The following GDF1 variants were observed in gnomAD, a reference collection of about 807,000 sequenced individuals.
The protein encoded by GDF1 is embryonic growth/differentiation factor 1.
GDF1 carries 8 observed loss-of-function variants against 7.4 expected under a neutral mutation model. The ratio of observed to expected loss-of-function variants is 1.09; its 90% CI spans 0.64 to 1.96. The LOEUF (loss-of-function observed/expected upper bound fraction) is 1.96, where lower values mean the gene tolerates loss of function less well. GDF1 is among the 30% of genes most tolerant of loss of function. GDF1 has a pLI of 0.00. For missense variants in GDF1, 574 were observed against 551.5 expected (o/e 1.04, Z -0.41); for synonymous variants, 311 against 276.7 (o/e 1.12, Z -1.23).
intron 6 of GDF1, among the ~76,000 whole-genome samples, chr19:18,872,993 C>T (rs1310022889): frequency 6.6e-6 from 1 of 152,184 alleles, no homozygotes; most frequent in Non-Finnish European, 1.5e-5. Flanking sequence ...TTCTATCCAC[C>T]ACTGTGGTGA....
In GDF1 at chr19:18,884,410, C is replaced by T. The variant is rs1481649844; in HGVS notation, c.-913-143G>A. 4 of 730,294 alleles carry T rather than the reference C, an allele frequency of 5.5e-6. No individual in the cohort carries two copies. In the East Asian group the frequency reaches 1.1e-4, roughly 20 times the overall value. The allele number at this position is 730,294 out of a possible 1,614,324, so 45.2% of individuals were successfully genotyped here. A position where few individuals can be genotyped will look rare whatever the true frequency, so the allele number is the denominator to read the frequency against. ...TGTCTGACTGCTGGCTTTCCATTCC[C>T]AATTCTATTTTTTTTTTTTTTTCTT... On this transcript the variant is annotated intron_variant, in intron 2 of 7. Transcript: ENST00000247005.
intron 3 of GDF1, chr19:18,883,185 G>A (rs933237758): frequency 1.2e-4 from 18 of 152,204 alleles, no homozygotes; most frequent in African/African-American, 4.3e-4. Context: ...ATATTTGTGG[G>A]GCGTGGCTAC....
intron 2 of GDF1, among the ~76,000 whole-genome samples, chr19:18,886,519 C>T (rs917455505): frequency 2.6e-5 from 4 of 152,096 alleles, no homozygotes; most frequent in Non-Finnish European, 5.9e-5. Context: ...GTTGCCACTG[C>T]ACTCCAGCCT....
Position 18,884,159 on chromosome 19 carries a change from C to G in GDF1, c.-805G>C, listed in dbSNP as rs201631527. On this transcript the variant is annotated 5_prime_UTR_variant, in exon 3 of 8. Coordinates refer to ENST00000247005, the MANE Select transcript of GDF1 (RefSeq NM_001492.6). ...GAGCAGCATGACCACCGAGTCCTTG[C>G]GCCAGGTGTCCATGTATAGCGTAGC... 1.9e-6 allele frequency: 3 copies of G among 1,613,696 alleles called. No individual in the cohort carries two copies. The highest frequency in any genetic ancestry group is 2.5e-6 in the Non-Finnish European group (3 of 1,179,826).
At chr19:18,879,663 C>G (rs1423114836) in intron 4 of GDF1, among the ~76,000 whole-genome samples, 1 of 149,728 alleles carries the variant, frequency 6.7e-6, no homozygotes, top group African/African-American at 2.5e-5. Context: ...CAGTCCCTCC[C>G]CTTCTCTGCT....
Position 18,880,440 on chromosome 19 carries a change from G to A in GDF1, c.-732-5C>T. The A allele has an allele frequency of 1.2e-5, 19 of 1,577,460 alleles. No homozygotes were observed. Among genetic ancestry groups the A allele is most frequent in the Non-Finnish European group, 1.6e-5 (19 of 1,158,946 alleles). On this transcript the variant is annotated splice_polypyrimidine_tract_variant and splice_region_variant and intron_variant, in intron 3 of 7. Coordinates refer to ENST00000247005, the MANE Select transcript of GDF1 (RefSeq NM_001492.6). ...AGGATGCCCACATTGTGGTACCTGG[G>A]GGAGCAGCAGGCAGAGAGGAGAGGG... is the stretch of plus-strand genomic sequence containing the variant.
At chr19:18,889,617 A>G (rs1308228049) in intron 2 of GDF1, among the ~76,000 whole-genome samples, 2 of 152,044 alleles carry the variant, frequency 1.3e-5, no homozygotes, top group Admixed American at 6.5e-5. Flanking sequence ...TTTTGTAGAG[A>G]TGGCGTCTCA....
At position 18,884,254 on chromosome 19, in the gene GDF1, G is replaced by A. The variant is rs758002482; in HGVS notation, c.-900C>T. ...CTGCAATGTCCCGTGGCACTGCCAT[G>A]CCCGGCGTCCAGTCTGGGGAGAGCC... is the stretch of plus-strand genomic sequence containing the variant. On this transcript the variant is annotated 5_prime_UTR_variant, in exon 3 of 8. Coordinates refer to ENST00000247005, the MANE Select transcript of GDF1 (RefSeq NM_001492.6). 3.6e-5 allele frequency: 58 copies of A among 1,612,284 alleles called. No individual in the cohort carries two copies. The South Asian group carries it at 6.2e-4, about 17-fold the overall frequency.
At chr19:18,887,182 T>C (rs8100983) in intron 2 of GDF1, among the ~76,000 whole-genome samples, 3,178 of 152,334 alleles carry the variant, frequency 0.021, 101 homozygotes, top group African/African-American at 0.072. Context: ...TGAAAAAGAA[T>C]GAAGCACGGA....
intron 2 of GDF1, among the ~76,000 whole-genome samples, chr19:18,891,277 C>T (rs908743941): frequency 5.3e-5 from 8 of 152,192 alleles, no homozygotes; most frequent in Non-Finnish European, 7.4e-5. Flanking sequence ...CTCTGGGCTC[C>T]GTGCCACCAG....
At chr19:18,885,815 G>A (rs966100350) in intron 2 of GDF1, among the ~76,000 whole-genome samples, 6 of 151,928 alleles carry the variant, frequency 3.9e-5, no homozygotes, top group Non-Finnish European at 7.4e-5. Context: ...CGCTGCGCCC[G>A]GCCTCTTCCT....
Position 18,870,423 on chromosome 19 carries a change from G to A in GDF1, c.-116C>T. On this transcript the variant is annotated 5_prime_UTR_variant, in exon 7 of 8. Coordinates refer to ENST00000247005, the MANE Select transcript of GDF1 (RefSeq NM_001492.6). This position sits in a 1 kb window ranked among gnomAD's most constrained non-coding sequence, Gnocchi z 5.1. ...CAGGGGTCCTGGGGGGCGTGGCCGG[G>A]AACTGGAGGCAGGATGAGGGGGCGG... The A allele has an allele frequency of 1.8e-6, 2 of 1,114,780 alleles. No homozygotes were observed. Among genetic ancestry groups the A allele is most frequent in the Non-Finnish European group, 2.6e-6 (2 of 782,634 alleles). The allele number at this position is 1,114,780 out of a possible 1,614,324, so 69.1% of individuals were successfully genotyped here.
intron 2 of GDF1, among the ~76,000 whole-genome samples, chr19:18,889,017 G>A (rs974647407): frequency 1.1e-4 from 17 of 149,892 alleles, no homozygotes; most frequent in African/African-American, 1.7e-4. Context: ...TCAGCCTGCC[G>A]AGTAACTGGG....
In GDF1 at chr19:18,870,075, G is replaced by A. The variant is rs1337076286; in HGVS notation, c.233C>T (p.Ser78Leu). 4 of 1,582,168 alleles carry A rather than the reference G, an allele frequency of 2.5e-6. No homozygotes were observed. The highest frequency in any genetic ancestry group is 2.3e-5 in the East Asian group (1 of 43,822). The part of the protein sequence containing the change: ...RRDPQETRSG[S>L]RRTSPGVTLQ... Reference sequence around the variant, plus strand: ...GGTGACCCCTGGGGACGTCCGCCGCGAGCCAGACCTGGTCTCCTGGGGGTC... The same window carrying A: ...GGTGACCCCTGGGGACGTCCGCCGCAAGCCAGACCTGGTCTCCTGGGGGTC... Residue 78 changes from serine (S) to leucine (L), a missense_variant, in exon 7 of 8, where the codon TCG becomes TTG. Ser to Leu is a moderately radical substitution (Grantham distance 145). Transcript: ENST00000247005. The surrounding 1 kb of genome is among the most constrained non-coding windows in gnomAD (Gnocchi z 5.1).
chr19:18,891,354 C>A (rs1043090487), intron 2 of GDF1, among the ~76,000 whole-genome samples: 6 of 152,164 alleles, frequency 3.9e-5, no homozygotes, highest in African/African-American at 1.4e-4. Context: ...GGCCCACAGC[C>A]CTGGTGGTCC....
At position 18,890,553 on chromosome 19, in the gene GDF1, G is replaced by C. The variant is rs1225809987; in HGVS notation, c.-914+2863C>G. 4.6e-5 allele frequency among the ~76,000 whole-genome samples: 7 copies of C among 151,930 alleles called. No individual in the cohort carries two copies. The East Asian group carries it at 1.3e-3, about 29-fold the overall frequency. ...ACCACTTTGGGAGGCTGAGGTGGGA[G>C]GACTGCTTGAGGCCAGGAGTTCAAG... On this transcript the variant is annotated intron_variant, in intron 2 of 7. Transcript: ENST00000247005.
chr19:18,895,760 A>G lies in GDF1; in HGVS notation c.-1074+64T>C. 3 of 935,112 alleles carry G rather than the reference A, an allele frequency of 3.2e-6. No individual in the cohort carries two copies. The highest frequency in any genetic ancestry group is 3.2e-5 in the South Asian group (1 of 31,488). The allele number at this position is 935,112 out of a possible 1,614,324, so 57.9% of individuals were successfully genotyped here. ...AAGAAAGGAACGCGCCGGCGGCCCCAGGTCCCCGGTCCCGGCTTCCCCCAG... is the reference window on the plus strand; with the variant it reads ...AAGAAAGGAACGCGCCGGCGGCCCCGGGTCCCCGGTCCCGGCTTCCCCCAG... On this transcript the variant is annotated intron_variant, in intron 1 of 7. Transcript: ENST00000247005. This position sits in a 1 kb window ranked among gnomAD's most constrained non-coding sequence, Gnocchi z 6.4.
chr19:18,880,506 C>A, intron 3 of GDF1, 71 bp from the exon 4 acceptor site: 1 of 1,431,706 alleles, frequency 7.0e-7, no homozygotes, highest in Non-Finnish European at 9.4e-7. Flanking sequence ...CTAAGGCCCC[C>A]AGCAGAGTCC....
At chr19:18,879,089 T>C (rs1159926194) in intron 5 of GDF1, 50 bp from the exon 6 acceptor site, 1 of 1,601,322 alleles carries the variant, frequency 6.2e-7, no homozygotes, top group Non-Finnish European at 8.5e-7. Flanking sequence ...CCCACGCCAC[T>C]GCCCTGCTGA....
Sources: allele counts gnomAD v4.1 joint callset (sites outside exome capture counted in the v4.1 genomes callset), GRCh38; gene constraint gnomAD v4.1.1; non-coding constraint Gnocchi (gnomAD v3.1); transcripts MANE v1.5; gene names NCBI Gene and HGNC (gene_info 2026-07-23, HGNC 2026-07-21).